Variants in BYSL observed in about 807,000 individuals in gnomAD.
The protein encoded by BYSL is bystin like.
In BYSL, 21 loss-of-function variants were observed where a neutral mutation model predicts 45.4. The observed-to-expected ratio is 0.46, with a 90% CI of 0.33 to 0.67. The LOEUF (loss-of-function observed/expected upper bound fraction) is 0.67. Among genes scored for constraint, BYSL ranks in the 30% least tolerant of loss-of-function variants. The probability of loss-of-function intolerance (pLI) is 0.02; values close to 1 mark genes in which losing one functional copy is unlikely to be tolerated. For synonymous variants in BYSL, 215 were observed against 231.3 expected (o/e 0.93, Z 0.64); for missense variants, 522 against 578.5 (o/e 0.90, Z 1.00).
At chr6:41,908,806 TAAAG>T in the BYSL span, 1 of 160,284 alleles carries the variant, frequency 6.2e-6, no homozygotes, top group African/African-American at 2.4e-5. Context: ...TCTGAATAAT[TAAAG>T]AAAGGATAAA....
At chr6:41,909,362 A>C in the BYSL span, 1 of 1,614,192 alleles carries the variant, frequency 6.2e-7, no homozygotes, top group South Asian at 1.1e-5. Context: ...CCCGGGTCTC[A>C]ATCTTGCTGG....
chr6:41,921,982 C>T (rs1034750043), intron 1 of BYSL, 152 bp downstream of exon 1: 52 of 1,201,664 alleles, frequency 4.3e-5, no homozygotes, highest in East Asian at 2.7e-4. Flanking sequence ...TAGAGCCCTC[C>T]GCGTCCACTC....
At chr6:41,913,984 G>A in the BYSL span, among the ~76,000 whole-genome samples, 11 of 152,182 alleles carry the variant, frequency 7.2e-5, no homozygotes, top group Non-Finnish European at 1.6e-4. Context: ...GAAGTACTAT[G>A]ATTATCTTCA....
chr6:41,919,373 T>G (rs898171480), upstream of BYSL, among the ~76,000 whole-genome samples: 1 of 152,114 alleles, frequency 6.6e-6, no homozygotes, highest in Non-Finnish European at 1.5e-5. Flanking sequence ...CTTAGCTATA[T>G]AGAAATCAAG....
Position 41,921,807 on chromosome 6 carries a change from C to T in BYSL, c.245C>T (p.Pro82Leu), listed in dbSNP as rs749739406. ...EHGTGDKPAA[P>L]RERTTRLGPR... ...GGGACTGGGGACAAGCCCGCGGCGC[C>T]GCGGGAACGCACCACGCGGCTGGGT... is the stretch of plus-strand genomic sequence containing the variant. Residue 82 changes from proline (P) to leucine (L), a missense_variant, in exon 1 of 7, where the codon CCG (proline) becomes CTG (leucine). By Grantham distance (98) the Pro-to-Leu change is moderately conservative. Transcript: ENST00000230340. 1.9e-6 allele frequency: 3 copies of T among 1,611,390 alleles called. No individual in the cohort carries two copies. Among genetic ancestry groups the T allele is most frequent in the Non-Finnish European group, 2.5e-6 (3 of 1,179,198 alleles).
chr6:41,911,578 G>GA, the BYSL span, among the ~76,000 whole-genome samples: 1 of 151,836 alleles, frequency 6.6e-6, no homozygotes, highest in African/African-American at 2.4e-5. Flanking sequence ...AAGTCAGCAG[G>GA]AAAAAAAAGT....
chr6:41,921,082 A>T, upstream of BYSL: 1 of 1,600,196 alleles, frequency 6.2e-7, no homozygotes, highest in Admixed American at 1.7e-5. Context: ...GTCCGCCCAC[A>T]GAAACTCCTT....
rs764203849 is a variant in BYSL at position 41,931,402 on chromosome 6, T to G, written c.711T>G (p.Phe237Leu). The change falls in exon 5 of 7, where the codon TTT becomes TTG. Residue 237 changes from phenylalanine to leucine, a missense_variant. Physicochemically the swap from Phe to Leu is conservative, Grantham distance 22. Transcript: ENST00000230340. ...CCCGCTTAACTCCCACTAGGATTTT[T>G]GCCTCTAACCTGAAGGAACGCATGG... ...AAAMYQATRI[F>L]ASNLKERMAQ... 6.2e-7 allele frequency: 1 copy of G among 1,614,224 alleles called. No homozygotes were observed. The highest frequency in any genetic ancestry group is 1.1e-5 in the South Asian group (1 of 91,086).
the BYSL span, chr6:41,909,531 G>T: frequency 1.2e-6 from 2 of 1,612,358 alleles, no homozygotes; most frequent in Admixed American, 1.7e-5. Flanking sequence ...ACCTGCAAGG[G>T]ACAGAGATCC....
chr6:41,927,307 A>G (rs1479674926), intron 1 of BYSL, 67 bp from the exon 2 acceptor site: 2 of 1,580,022 alleles, frequency 1.3e-6, no homozygotes, highest in African/African-American at 2.7e-5. Flanking sequence ...TAATGGCTAA[A>G]GTTAAACTGA....
chr6:41,910,521 A>G, the BYSL span, among the ~76,000 whole-genome samples: 1 of 151,748 alleles, frequency 6.6e-6, no homozygotes, highest in Non-Finnish European at 1.5e-5. Context: ...AATCCCAGCT[A>G]CTGGGGAGGC....
intron 1 of BYSL, among the ~76,000 whole-genome samples, chr6:41,923,768 G>C (rs1775525266): frequency 6.6e-6 from 1 of 152,074 alleles, no homozygotes. Flanking sequence ...ACTCACAGGT[G>C]GGGGATTACA....
chr6:41,932,483 TC>T lies in BYSL; in HGVS notation c.1093del (p.Leu365TrpfsTer19). On this transcript the variant is annotated frameshift_variant, in exon 7 of 7. Coordinates refer to ENST00000230340, the MANE Select transcript of BYSL (RefSeq NM_004053.4). LOFTEE classifies it high-confidence loss of function. The surrounding 1 kb of genome is among the most constrained non-coding windows in gnomAD (Gnocchi z 4.7). ...YRVLDALVFH[F>X]LGFRTEKREL... ...GTGCTGGATGCCCTAGTCTTCCACTTCCTGGGGTTCCGGACAGAGAAGCGTG... is the reference window on the plus strand; with the variant it reads ...GTGCTGGATGCCCTAGTCTTCCACTTCTGGGGTTCCGGACAGAGAAGCGTG... The T allele has an allele frequency of 6.2e-7, 1 of 1,614,212 alleles. No homozygotes were observed. Among genetic ancestry groups the T allele is most frequent in the Non-Finnish European group, 8.5e-7 (1 of 1,180,038 alleles).
chr6:41,931,422 G>T lies in BYSL; in HGVS notation c.731G>T (p.Arg244Leu), dbSNP rs184220096. 1.9e-6 allele frequency: 3 copies of T among 1,614,038 alleles called. No individual in the cohort carries two copies. The highest frequency in any genetic ancestry group is 2.7e-5 in the African/African-American group (2 of 74,906). Residue 244 changes from arginine to leucine, a missense_variant, in exon 5 of 7, where the codon CGC becomes CTC. Physicochemically the swap from Arg to Leu is moderately radical, Grantham distance 102. Transcript: ENST00000230340. ...ATTTTTGCCTCTAACCTGAAGGAACGCATGGCCCAGCGCTTCTACAACCTT... is the reference window on the plus strand; with the variant it reads ...ATTTTTGCCTCTAACCTGAAGGAACTCATGGCCCAGCGCTTCTACAACCTT... ...TRIFASNLKE[R>L]MAQRFYNLVL... is the part of the protein sequence containing the mutation.
chr6:41,917,726 C>T (rs1466001862), upstream of BYSL: 10 of 469,446 alleles, frequency 2.1e-5, no homozygotes, highest in Non-Finnish European at 4.4e-5. Flanking sequence ...AAAAGGGATT[C>T]CTTTTGCAAC....
At chr6:41,918,614 C>T (rs796361252), upstream of BYSL, among the ~76,000 whole-genome samples, 3 of 151,944 alleles carry the variant, frequency 2.0e-5, no homozygotes, top group South Asian at 6.2e-4. Flanking sequence ...GAGATCAAGA[C>T]CATCCTGGCT....
upstream of BYSL, chr6:41,920,869 CG>C: frequency 8.9e-7 from 1 of 1,124,186 alleles, no homozygotes; most frequent in Non-Finnish European, 1.2e-6. Flanking sequence ...ACCCGCAGCC[CG>C]GACGGCATCC....
At chr6:41,912,053 CT>C in the BYSL span, among the ~76,000 whole-genome samples, 390 of 143,640 alleles carry the variant, frequency 2.7e-3, no homozygotes, top group Admixed American at 3.2e-3. Context: ...TCCTTTTCTT[CT>C]TTTTTTTTTT....
At chr6:41,925,449 C>T (rs1009348853) in intron 1 of BYSL, among the ~76,000 whole-genome samples, 63 of 150,862 alleles carry the variant, frequency 4.2e-4, no homozygotes, top group African/African-American at 1.4e-3. Context: ...CTGCAAGCTC[C>T]GCCTCCCGGG....
Sources: allele counts gnomAD v4.1 joint callset (sites outside exome capture counted in the v4.1 genomes callset), GRCh38; gene constraint gnomAD v4.1.1; non-coding constraint Gnocchi (gnomAD v3.1); transcripts MANE v1.5; gene names NCBI Gene and HGNC (gene_info 2026-07-23, HGNC 2026-07-21).